The following PDE7B variants were observed in gnomAD, a reference collection of about 807,000 sequenced individuals.
PDE7B encodes phosphodiesterase 7B, also known as 3',5'-cyclic-AMP phosphodiesterase 7B.
A neutral mutation model predicts 56.2 loss-of-function variants in PDE7B; 29 were observed. The ratio of observed to expected loss-of-function variants is 0.52; its 90% CI spans 0.38 to 0.70. PDE7B has a LOEUF of 0.70. PDE7B is among the 30% of genes least tolerant of loss of function. The pLI, the probability that PDE7B is intolerant of heterozygous loss-of-function variation, is 0.00. For missense variants in PDE7B, 490 were observed against 565.0 expected (o/e 0.87, Z 1.35); for synonymous variants, 197 against 196.9 (o/e 1.00, Z 0.00).
chr6:136,191,013 C>CTTTTTTT lies in PDE7B; in HGVS notation c.1127-583_1127-577dup, dbSNP rs752187218. ...CTGCCTTCTTTAGCTCCAGCATACA[C>CTTTTTTT]TTTTTTTTTTTTTTTTTTTTTTTTA... On this transcript the variant is annotated intron_variant, in intron 12 of 12. Coordinates refer to ENST00000308191, the MANE Select transcript of PDE7B (RefSeq NM_018945.4). Among the ~76,000 whole-genome samples the CTTTTTTT allele has an allele frequency of 2.0e-3, 197 of 99,248 alleles. 8 individuals are homozygous for CTTTTTTT. The highest frequency in any genetic ancestry group is 9.8e-3 in the African/African-American group (109 of 11,112). 65.1% of individuals were successfully genotyped at this position (99,248 alleles called of 152,430 possible). A position where few individuals can be genotyped will look rare whatever the true frequency, so the allele number is the denominator to read the frequency against.
chr6:136,111,563 G>A (rs1346736624), intron 3 of PDE7B, among the ~76,000 whole-genome samples: 1 of 152,202 alleles, frequency 6.6e-6, no homozygotes, highest in Non-Finnish European at 1.5e-5. Flanking sequence ...GAGCAGAGAT[G>A]TATGAACATC....
At chr6:136,137,873 A>G (rs1210474908) in intron 3 of PDE7B, among the ~76,000 whole-genome samples, 2 of 152,164 alleles carry the variant, frequency 1.3e-5, no homozygotes, top group Non-Finnish European at 2.9e-5. Context: ...TAGTGCAAAA[A>G]TGTGTTAATA....
chr6:136,008,732 T>C (rs1179623225), intron 2 of PDE7B, among the ~76,000 whole-genome samples: 2 of 152,212 alleles, frequency 1.3e-5, no homozygotes, highest in African/African-American at 4.8e-5. Context: ...TTCTGGATAT[T>C]AGCCCTTTGT....
intron 2 of PDE7B, among the ~76,000 whole-genome samples, chr6:136,016,420 G>A (rs1775978206): frequency 6.6e-6 from 1 of 152,210 alleles, no homozygotes; most frequent in Non-Finnish European, 1.5e-5. Flanking sequence ...AGGACCTAAT[G>A]TTTATATGAG....
chr6:136,076,066 A>G (rs190264649), intron 2 of PDE7B, among the ~76,000 whole-genome samples: 25 of 152,324 alleles, frequency 1.6e-4, no homozygotes, highest in Admixed American at 7.2e-4. Flanking sequence ...GGAAACGTCA[A>G]TCAGCCAGAG....
chr6:136,164,520 G>A lies in PDE7B; in HGVS notation c.711+8762G>A, dbSNP rs538396026. Among the ~76,000 whole-genome samples the A allele has an allele frequency of 8.5e-5, 13 of 152,162 alleles. No individual in the cohort carries two copies. The East Asian group carries it at 1.5e-3, about 18-fold the overall frequency. ...CCATCCATCTCATAAACAGACACAC[G>A]GCCAATAAATTATTATTCTTGAGCA... On this transcript the variant is annotated intron_variant, in intron 8 of 12. Transcript: ENST00000308191.
At chr6:136,031,931 A>G (rs941973502) in intron 2 of PDE7B, among the ~76,000 whole-genome samples, 4 of 151,946 alleles carry the variant, frequency 2.6e-5, no homozygotes, top group Admixed American at 6.6e-5. Flanking sequence ...TCTCTCCTCC[A>G]CTCTCCCTGA....
chr6:135,859,628 A>G (rs535089013), intron 1 of PDE7B, among the ~76,000 whole-genome samples: 3 of 152,064 alleles, frequency 2.0e-5, no homozygotes, highest in Non-Finnish European at 2.9e-5. Flanking sequence ...ATTGAGAAAT[A>G]TTGTTCTCTT....
At chr6:136,091,689 A>G (rs548058635) in intron 2 of PDE7B, among the ~76,000 whole-genome samples, 20 of 152,362 alleles carry the variant, frequency 1.3e-4, no homozygotes, top group African/African-American at 4.6e-4. Context: ...GTATTGTCTT[A>G]ATTGTGTAGC....
intron 2 of PDE7B, among the ~76,000 whole-genome samples, chr6:136,106,833 C>T (rs1777652307): frequency 6.6e-6 from 1 of 152,082 alleles, no homozygotes; most frequent in Admixed American, 6.5e-5. Flanking sequence ...ATTGACCAGC[C>T]ACCCCATATT....
intron 1 of PDE7B, among the ~76,000 whole-genome samples, chr6:135,899,794 C>G (rs1465178274): frequency 6.6e-6 from 1 of 151,692 alleles, no homozygotes; most frequent in Non-Finnish European, 1.5e-5. Flanking sequence ...AAAGAAACAC[C>G]CATGGGTAGT....
chr6:136,010,098 C>T (rs1318501928), intron 2 of PDE7B, among the ~76,000 whole-genome samples: 1 of 152,120 alleles, frequency 6.6e-6, no homozygotes, highest in African/African-American at 2.4e-5. Context: ...ATGAATTTCC[C>T]TCTGAAACAT....
At chr6:136,155,389 A>G (rs1478977444) in intron 7 of PDE7B, among the ~76,000 whole-genome samples, 2 of 152,036 alleles carry the variant, frequency 1.3e-5, no homozygotes, top group East Asian at 3.9e-4. Flanking sequence ...AATAGGAAGA[A>G]GGGGATACCA....
intron 3 of PDE7B, among the ~76,000 whole-genome samples, chr6:136,131,844 T>C (rs1217626523): frequency 1.3e-5 from 2 of 152,224 alleles, no homozygotes; most frequent in Admixed American, 1.3e-4. Flanking sequence ...AGGTGTTTTC[T>C]AGTTATTTTA....
Position 136,072,697 on chromosome 6 carries a change from A to G in PDE7B, c.83-36034A>G, listed in dbSNP as rs182757240. 25 of 152,234 alleles carry G rather than the reference A, an allele frequency of 1.6e-4. No homozygotes were observed. In the East Asian group the frequency reaches 4.8e-3, roughly 29 times the overall value. 9.4% of individuals were successfully genotyped at this position (152,234 alleles called of 1,614,324 possible). The stretch of plus-strand genomic sequence containing the variant: ...CGTTCTGGCTAACTTTCATCTTGTC[A>G]TTACATTTCCTTTTCTGAGAAAGGT... On this transcript the variant is annotated intron_variant, in intron 2 of 12. Transcript: ENST00000308191.
chr6:135,984,021 A>G (rs999880331), intron 2 of PDE7B, among the ~76,000 whole-genome samples: 6 of 152,386 alleles, frequency 3.9e-5, no homozygotes, highest in Admixed American at 3.9e-4. Flanking sequence ...AATGAAGCAA[A>G]TAAATGTGGT....
chr6:136,068,383 G>A (rs999235464), intron 2 of PDE7B, among the ~76,000 whole-genome samples: 4 of 151,338 alleles, frequency 2.6e-5, no homozygotes, highest in Non-Finnish European at 4.4e-5. Flanking sequence ...ATAGAAGGGA[G>A]TGCCTGGGTT....
At chr6:135,941,433 T>C (rs1398743649) in intron 1 of PDE7B, among the ~76,000 whole-genome samples, 2 of 152,194 alleles carry the variant, frequency 1.3e-5, no homozygotes. Context: ...ATTGCACCAA[T>C]AAATTTCTAA....
intron 2 of PDE7B, among the ~76,000 whole-genome samples, chr6:136,084,178 C>G (rs1777250974): frequency 1.3e-5 from 2 of 152,150 alleles, no homozygotes; most frequent in Middle Eastern, 3.2e-3. Context: ...AATCAAGAAG[C>G]CCCACAACCC....
Sources: allele counts gnomAD v4.1 joint callset (sites outside exome capture counted in the v4.1 genomes callset), GRCh38; gene constraint gnomAD v4.1.1; transcripts MANE v1.5; gene names NCBI Gene and HGNC (gene_info 2026-07-23, HGNC 2026-07-21).